KHDRBS2: variants seen among roughly 807,000 people sequenced by gnomAD.
KHDRBS2 encodes KH RNA binding domain containing, signal transduction associated 2, also known as KH domain-containing, RNA-binding, signal transduction-associated protein 2.
KHDRBS2 carries 26 observed loss-of-function variants against 44.3 expected under a neutral mutation model. That is an observed-to-expected ratio of 0.59 (90% CI 0.43 to 0.81). The LOEUF (loss-of-function observed/expected upper bound fraction) is 0.81, where lower values mean the gene tolerates loss of function less well. Ranked by LOEUF, KHDRBS2 falls within the 40% of genes least tolerant of loss-of-function variation. KHDRBS2 has a pLI of 0.00. For synonymous variants in KHDRBS2, 194 were observed against 151.1 expected (o/e 1.28, Z -2.08); for missense variants, 476 against 433.1 (o/e 1.10, Z -0.88).
chr6:61,628,896 A>G, the KHDRBS2 span, among the ~76,000 whole-genome samples: 1 of 152,202 alleles, frequency 6.6e-6, no homozygotes, highest in South Asian at 2.1e-4. Flanking sequence ...TCTCAAGGAC[A>G]TATGTAATAG....
At chr6:62,047,153 A>G (rs962777660) in intron 3 of KHDRBS2, among the ~76,000 whole-genome samples, 38 of 152,050 alleles carry the variant, frequency 2.5e-4, no homozygotes, top group African/African-American at 8.9e-4. Flanking sequence ...GCCTGGTCAA[A>G]TGATACTACG....
intron 8 of KHDRBS2, among the ~76,000 whole-genome samples, chr6:61,688,136 G>T (rs559624048): frequency 1.3e-5 from 2 of 151,848 alleles, no homozygotes; most frequent in Admixed American, 1.3e-4. Flanking sequence ...ATAGTATCCT[G>T]CAGCTGTAGA....
At chr6:61,546,742 G>A in the KHDRBS2 span, among the ~76,000 whole-genome samples, 1 of 152,030 alleles carries the variant, frequency 6.6e-6, no homozygotes, top group Non-Finnish European at 1.5e-5. Flanking sequence ...ATTATGAGGA[G>A]CACCTCCTAC....
At chr6:61,787,854 T>C (rs768483562) in intron 6 of KHDRBS2, among the ~76,000 whole-genome samples, 1 of 151,598 alleles carries the variant, frequency 6.6e-6, no homozygotes, top group Non-Finnish European at 1.5e-5. Context: ...AAGTTTATCA[T>C]AATCTCAGCT....
the KHDRBS2 span, among the ~76,000 whole-genome samples, chr6:61,636,422 C>G: frequency 6.6e-6 from 1 of 152,040 alleles, no homozygotes; most frequent in Non-Finnish European, 1.5e-5. Context: ...TCTTCTCAAC[C>G]TATTCATATT....
At chr6:61,893,142 G>GA (rs917342466) in intron 6 of KHDRBS2, among the ~76,000 whole-genome samples, 36 of 152,162 alleles carry the variant, frequency 2.4e-4, no homozygotes, top group African/African-American at 8.4e-4. Context: ...AAAGACACAT[G>GA]AAAAAATGCT....
chr6:61,827,776 G>C (rs1428497456), intron 6 of KHDRBS2, among the ~76,000 whole-genome samples: 1 of 152,138 alleles, frequency 6.6e-6, no homozygotes, highest in Non-Finnish European at 1.5e-5. Context: ...AACAGAAAGA[G>C]ACAGCAGGCT....
chr6:61,944,781 A>G (rs1249501001), intron 4 of KHDRBS2, among the ~76,000 whole-genome samples: 6 of 151,972 alleles, frequency 3.9e-5, no homozygotes. Flanking sequence ...AATATGTAAA[A>G]TATTACGTAT....
intron 4 of KHDRBS2, among the ~76,000 whole-genome samples, chr6:61,930,319 A>T (rs536535537): frequency 6.6e-6 from 1 of 152,170 alleles, no homozygotes; most frequent in South Asian, 2.1e-4. Context: ...GAGTAAATTA[A>T]CACCTTCTTC....
At chr6:61,831,369 G>A (rs1210293865) in intron 6 of KHDRBS2, among the ~76,000 whole-genome samples, 1 of 152,050 alleles carries the variant, frequency 6.6e-6, no homozygotes, top group African/African-American at 2.4e-5. Flanking sequence ...TGGTGTGTGT[G>A]TGTGTGGCAT....
At chr6:61,880,615 T>A (rs1800068791) in intron 6 of KHDRBS2, among the ~76,000 whole-genome samples, 1 of 151,968 alleles carries the variant, frequency 6.6e-6, no homozygotes, top group Non-Finnish European at 1.5e-5. Context: ...ACACATTTTT[T>A]AAAGATCTGG....
At chr6:61,858,229 A>G (rs1796417925) in intron 6 of KHDRBS2, among the ~76,000 whole-genome samples, 1 of 150,662 alleles carries the variant, frequency 6.6e-6, no homozygotes, top group Non-Finnish European at 1.5e-5. Flanking sequence ...TAATATTTTA[A>G]GAATCTCTCA....
the KHDRBS2 span, among the ~76,000 whole-genome samples, chr6:61,568,075 A>G: frequency 0.19 from 28,464 of 152,002 alleles, 3,036 homozygotes; most frequent in East Asian, 0.29. Flanking sequence ...AATTTTTCCA[A>G]GCACTATTTA....
chr6:61,967,377 C>A (rs1770227951), intron 4 of KHDRBS2, among the ~76,000 whole-genome samples: 1 of 151,794 alleles, frequency 6.6e-6, no homozygotes, highest in South Asian at 2.1e-4. Flanking sequence ...AGCCATTTTA[C>A]AAGCTGTATG....
intron 2 of KHDRBS2, among the ~76,000 whole-genome samples, chr6:62,064,762 A>G: frequency 6.6e-6 from 1 of 152,102 alleles, no homozygotes; most frequent in Non-Finnish European, 1.5e-5. Context: ...AATGGCAACA[A>G]AAGCCAAAAT....
chr6:61,966,281 G>A lies in KHDRBS2; in HGVS notation c.483+11785C>T, dbSNP rs186129882. Among the ~76,000 whole-genome samples, 973 of 152,064 alleles carry A rather than the reference G, an allele frequency of 6.4e-3. 5 individuals carry two copies. The highest frequency in any genetic ancestry group is 0.017 in the Middle Eastern group (5 of 294). On this transcript the variant is annotated intron_variant, in intron 4 of 8. Coordinates refer to ENST00000281156, the MANE Select transcript of KHDRBS2 (RefSeq NM_152688.4). ...TACTTTTCTATTACAACTATCTTCG[G>A]GTAGTTTGAGGCAAAATGATCTGTA...
chr6:62,144,477 T>G (rs1387085777), intron 2 of KHDRBS2, among the ~76,000 whole-genome samples: 2 of 151,926 alleles, frequency 1.3e-5, no homozygotes, highest in South Asian at 4.1e-4. Flanking sequence ...AGTAGCTCAA[T>G]AATCTTGTCT....
At chr6:62,178,912 G>C (rs1821695797) in intron 1 of KHDRBS2, among the ~76,000 whole-genome samples, 1 of 151,360 alleles carries the variant, frequency 6.6e-6, no homozygotes, top group African/African-American at 2.4e-5. Context: ...TATTAAGTAT[G>C]AACATGTTTC....
chr6:61,650,507 T>C, the KHDRBS2 span, among the ~76,000 whole-genome samples: 1 of 151,800 alleles, frequency 6.6e-6, no homozygotes, highest in African/African-American at 2.4e-5. Context: ...TTCATAAAAA[T>C]AAGTGAATAA....
Sources: gnomAD v4.1 joint callset for allele counts (sites outside exome capture counted in the v4.1 genomes callset) on GRCh38, gnomAD v4.1.1 for gene constraint, MANE v1.5 for transcripts, NCBI Gene and HGNC (gene_info 2026-07-23, HGNC 2026-07-21) for gene names.